The following PTPRT variants were observed in gnomAD, a reference collection of about 807,000 sequenced individuals.
The protein encoded by PTPRT is receptor-type tyrosine-protein phosphatase T.
A neutral mutation model predicts 176.8 loss-of-function variants in PTPRT; 56 were observed. The observed-to-expected ratio is 0.32, with a 90% CI of 0.26 to 0.40. The LOEUF is 0.40. Among genes scored for constraint, PTPRT ranks in the 10% least tolerant of loss-of-function variants. The pLI is 1.00. For missense variants in PTPRT, 1,540 were observed against 1,908.2 expected, an observed-to-expected ratio of 0.81 and a Z score of 3.60; for synonymous variants, 783 against 739.0, an observed-to-expected ratio of 1.06 and a Z score of -0.96.
chr20:42,159,963 C>T (rs1323435834), intron 17 of PTPRT, among the ~76,000 whole-genome samples: 1 of 152,132 alleles, frequency 6.6e-6, no homozygotes, highest in Admixed American at 6.5e-5. Context: ...ATTTCATGAC[C>T]TCATACGACT....
At chr20:42,209,290 T>A (rs6016719) in intron 15 of PTPRT, among the ~76,000 whole-genome samples, 85,836 of 151,718 alleles carry the variant, frequency 0.57, 24,504 homozygotes, top group Non-Finnish European at 0.58. Flanking sequence ...AAGAAATAAC[T>A]AAGATCAGAG....
chr20:42,081,627 T>C (rs1454233845), intron 30 of PTPRT, among the ~76,000 whole-genome samples: 3 of 152,202 alleles, frequency 2.0e-5, no homozygotes, highest in Non-Finnish European at 4.4e-5. Context: ...AATGACACTG[T>C]CTTAAGGAAT....
At chr20:42,129,954 T>C (rs1988049945) in intron 18 of PTPRT, among the ~76,000 whole-genome samples, 1 of 152,174 alleles carries the variant, frequency 6.6e-6, no homozygotes, top group African/African-American at 2.4e-5. Flanking sequence ...GATGCCCTCA[T>C]TGGGTTCTCA....
chr20:42,758,685 C>T (rs1020869160), intron 5 of PTPRT, among the ~76,000 whole-genome samples: 1 of 152,160 alleles, frequency 6.6e-6, no homozygotes, highest in Non-Finnish European at 1.5e-5. Flanking sequence ...ATGCCAGAAA[C>T]TAACCAACAT....
At chr20:42,726,790 C>T (rs140593018) in intron 6 of PTPRT, among the ~76,000 whole-genome samples, 23 of 152,332 alleles carry the variant, frequency 1.5e-4, no homozygotes, top group African/African-American at 4.6e-4. Context: ...GTGCAGCTCA[C>T]GTTCAGTCCC....
At chr20:42,615,022 G>T (rs2074045105) in intron 7 of PTPRT, among the ~76,000 whole-genome samples, 1 of 142,108 alleles carries the variant, frequency 7.0e-6, no homozygotes, top group African/African-American at 2.7e-5. Flanking sequence ...TGCCATGCTG[G>T]TGTGCTGCAC....
intron 16 of PTPRT, among the ~76,000 whole-genome samples, chr20:42,166,686 A>G (rs1350978921): frequency 1.3e-5 from 2 of 152,212 alleles, no homozygotes; most frequent in African/African-American, 4.8e-5. Context: ...TGGGAGGCCT[A>G]GGTGGGCGGA....
At chr20:42,175,701 G>C (rs1426645329) in intron 16 of PTPRT, among the ~76,000 whole-genome samples, 2 of 152,088 alleles carry the variant, frequency 1.3e-5, no homozygotes, top group African/African-American at 4.8e-5. Flanking sequence ...CCAGACTCTT[G>C]AGTCGGCATT....
downstream of PTPRT, among the ~76,000 whole-genome samples, chr20:42,068,070 A>G (rs956121904): frequency 6.6e-6 from 1 of 152,134 alleles, no homozygotes; most frequent in African/African-American, 2.4e-5. Flanking sequence ...CCTTCAGAGG[A>G]AAGAGAGGAG....
chr20:42,906,002 C>G (rs1276053673), intron 1 of PTPRT, among the ~76,000 whole-genome samples: 3 of 152,162 alleles, frequency 2.0e-5, no homozygotes, highest in East Asian at 3.9e-4. Context: ...ACCAACAAGG[C>G]ACATGTATAC....
At chr20:42,610,817 C>A (rs1377911083) in intron 7 of PTPRT, among the ~76,000 whole-genome samples, 2 of 152,144 alleles carry the variant, frequency 1.3e-5, no homozygotes, top group Admixed American at 6.5e-5. Context: ...ATGTTCATTA[C>A]CCCAAAAAGA....
At chr20:42,529,087 C>T (rs1481897272) in intron 7 of PTPRT, among the ~76,000 whole-genome samples, 2 of 152,156 alleles carry the variant, frequency 1.3e-5, no homozygotes, top group African/African-American at 4.8e-5. Flanking sequence ...GAAACAGAAA[C>T]GACCTTTTAA....
In PTPRT at chr20:42,891,739, G is replaced by A. The variant is rs140196526; in HGVS notation, c.89-5807C>T. 2.6e-3 allele frequency among the ~76,000 whole-genome samples: 399 copies of A among 152,266 alleles called. 1 individual carries two copies. The highest frequency in any genetic ancestry group is 9.1e-3 in the African/African-American group (379 of 41,550). ...TTGAGCTGAATTAAGTTTTGTAGAGGAACTAAAAGATTCGTTGGGCTCCCA... is the reference window on the plus strand; with the variant it reads ...TTGAGCTGAATTAAGTTTTGTAGAGAAACTAAAAGATTCGTTGGGCTCCCA... On this transcript the variant is annotated intron_variant, in intron 1 of 30. Transcript: ENST00000373187.
At chr20:43,165,567 C>T (rs894451574) in intron 1 of PTPRT, among the ~76,000 whole-genome samples, 16 of 152,190 alleles carry the variant, frequency 1.1e-4, no homozygotes, top group African/African-American at 3.6e-4. Context: ...GTCCATTAAA[C>T]CTCTTTTTCT....
At chr20:42,628,549 C>T (rs1175096950) in intron 7 of PTPRT, among the ~76,000 whole-genome samples, 1 of 152,134 alleles carries the variant, frequency 6.6e-6, no homozygotes, top group African/African-American at 2.4e-5. Flanking sequence ...ATTCATCCAT[C>T]CACCTATCTA....
At chr20:43,146,558 CAAA>C (rs11324602) in intron 1 of PTPRT, among the ~76,000 whole-genome samples, 4 of 144,186 alleles carry the variant, frequency 2.8e-5, no homozygotes, top group African/African-American at 2.5e-5. Flanking sequence ...ACTTCTGAAC[CAAA>C]AAAAAAAAAA....
At chr20:42,482,928 A>G (rs1347670405) in intron 7 of PTPRT, among the ~76,000 whole-genome samples, 1 of 152,198 alleles carries the variant, frequency 6.6e-6, no homozygotes, top group African/African-American at 2.4e-5. Flanking sequence ...ACAGACTAAA[A>G]CAACCATCAT....
intron 7 of PTPRT, among the ~76,000 whole-genome samples, chr20:42,589,664 G>A (rs759549123): frequency 4.6e-5 from 7 of 152,084 alleles, no homozygotes; most frequent in African/African-American, 7.2e-5. Flanking sequence ...CTCCTGAGAT[G>A]AGAAAACTTT....
At chr20:42,806,582 T>G (rs1381864254) in intron 2 of PTPRT, among the ~76,000 whole-genome samples, 1 of 152,054 alleles carries the variant, frequency 6.6e-6, no homozygotes, top group Non-Finnish European at 1.5e-5. Context: ...CTGACAAACT[T>G]TTTCCATAAA....
Sources: allele counts gnomAD v4.1 joint callset (sites outside exome capture counted in the v4.1 genomes callset), GRCh38; gene constraint gnomAD v4.1.1; transcripts MANE v1.5; gene names NCBI Gene and HGNC (gene_info 2026-07-23, HGNC 2026-07-21).